The following PPM1D variants were observed in gnomAD, a reference collection of about 807,000 sequenced individuals.
The protein encoded by PPM1D is protein phosphatase 1D.
PPM1D carries 52 observed loss-of-function variants against 58.3 expected under a neutral mutation model. The ratio of observed to expected loss-of-function variants is 0.89; its 90% CI spans 0.71 to 1.12. The LOEUF is 1.12. PPM1D is among the 50% of genes most tolerant of loss of function. The pLI, the probability that PPM1D is intolerant of heterozygous loss-of-function variation, is 0.00. For synonymous variants in PPM1D, 278 were observed against 285.1 expected, an observed-to-expected ratio of 0.98 and a Z score of 0.25; for missense variants, 564 against 777.2, an observed-to-expected ratio of 0.73 and a Z score of 3.26.
chr17:60,619,225 T>C (rs1048659583), intron 1 of PPM1D, among the ~76,000 whole-genome samples: 10 of 152,188 alleles, frequency 6.6e-5, no homozygotes, highest in African/African-American at 2.4e-4. Context: ...CCTTTTTTTT[T>C]TTTTATGGCT....
At chr17:60,645,504 A>G (rs28464373) in intron 3 of PPM1D, among the ~76,000 whole-genome samples, 45 of 131,888 alleles carry the variant, frequency 3.4e-4, no homozygotes, top group African/African-American at 1.2e-3. Context: ...ATGTGTATAT[A>G]TATATGTGTA....
rs141956601 is a variant in PPM1D, at chr17:60,625,084, G to C, written c.701+1335G>C. On this transcript the variant is annotated intron_variant, in intron 2 of 5. Coordinates refer to ENST00000305921, the MANE Select transcript of PPM1D (RefSeq NM_003620.4). The stretch of plus-strand genomic sequence containing the variant: ...TTGAACCCAGGAGGCAGAGGTTGCA[G>C]TGAGCTGAGATTGCGCCACTGCACT... 3.7e-3 allele frequency among the ~76,000 whole-genome samples: 565 copies of C among 152,222 alleles called. 2 individuals carry two copies. Among genetic ancestry groups the C allele is most frequent in the African/African-American group, 0.013 (536 of 41,522 alleles).
chr17:60,622,686 G>A (rs757313773), intron 1 of PPM1D, among the ~76,000 whole-genome samples: 1 of 152,164 alleles, frequency 6.6e-6, no homozygotes, highest in Non-Finnish European at 1.5e-5. Flanking sequence ...TCATAAGTTC[G>A]TCACAAGCAT....
intron 5 of PPM1D, among the ~76,000 whole-genome samples, chr17:60,662,742 T>C (rs1705439354): frequency 2.0e-5 from 3 of 152,184 alleles, no homozygotes; most frequent in Admixed American, 2.0e-4. Flanking sequence ...TTGAATAGAT[T>C]ACTTTATAAT....
Position 60,600,848 on chromosome 17 carries a change from G to C in PPM1D, c.434G>C (p.Gly145Ala). The part of the protein sequence containing the change: ...PAKVCAAIRK[G>A]FLACHLAMWK... ...AAGGTTTGCGCTGCCATCCGCAAAG[G>C]CTTTCTCGCTTGTCACCTTGCCATG... Residue 145 changes from glycine (G) to alanine (A), a missense_variant, in exon 1 of 6, where the codon GGC becomes GCC. Physicochemically the swap from Gly to Ala is moderately conservative, Grantham distance 60. This residue lies in a region of PPM1D where 95 missense variants were observed against 232.6 expected (regional missense o/e 0.41). Transcript: ENST00000305921. 1 of 1,613,096 alleles carries C rather than the reference G, an allele frequency of 6.2e-7. No homozygotes were observed. The highest frequency in any genetic ancestry group is 1.3e-5 in the African/African-American group (1 of 75,066).
intron 5 of PPM1D, 74 bp from the exon 6 acceptor site, chr17:60,662,921 T>C: frequency 7.2e-7 from 1 of 1,388,648 alleles, no homozygotes; most frequent in Non-Finnish European, 9.9e-7. Flanking sequence ...ATAAGAAGCC[T>C]AATATCACAT....
At chr17:60,635,897 A>G (rs1044914095) in intron 3 of PPM1D, among the ~76,000 whole-genome samples, 4 of 152,240 alleles carry the variant, frequency 2.6e-5, no homozygotes, top group Non-Finnish European at 5.9e-5. Context: ...TTATGTACAC[A>G]GTTCCTCCGG....
intron 5 of PPM1D, among the ~76,000 whole-genome samples, chr17:60,657,919 T>C (rs1297736454): frequency 6.6e-6 from 1 of 152,142 alleles, no homozygotes; most frequent in Non-Finnish European, 1.5e-5. Flanking sequence ...TTTTGTATTT[T>C]TAGTAGAGAT....
At chr17:60,649,453 C>T (rs2031305039) in intron 4 of PPM1D, among the ~76,000 whole-genome samples, 1 of 151,956 alleles carries the variant, frequency 6.6e-6, no homozygotes, top group African/African-American at 2.4e-5. Context: ...CTTTGGGAGG[C>T]TGAGGCGGGT....
At chr17:60,628,177 C>T (rs1298456001) in intron 2 of PPM1D, among the ~76,000 whole-genome samples, 2 of 152,120 alleles carry the variant, frequency 1.3e-5, no homozygotes, top group East Asian at 1.9e-4. Context: ...AAAATCCCTG[C>T]ATAATTTAAA....
At chr17:60,604,653 G>A (rs1242064286) in intron 1 of PPM1D, 1 of 152,080 alleles carries the variant, frequency 6.6e-6, no homozygotes, top group Non-Finnish European at 1.5e-5. Context: ...TGCTACTCCA[G>A]AGGCTGAGAT....
chr17:60,618,330 A>C (rs1021217894), intron 1 of PPM1D, among the ~76,000 whole-genome samples: 2 of 152,246 alleles, frequency 1.3e-5, no homozygotes, highest in African/African-American at 4.8e-5. Flanking sequence ...GGAGGTAGTC[A>C]AAGAGTATAC....
chr17:60,663,541 T>G lies in PPM1D; in HGVS notation c.1807T>G (p.Cys603Gly). The G allele has an allele frequency of 6.2e-7, 1 of 1,606,278 alleles. No homozygotes were observed. The highest frequency in any genetic ancestry group is 8.5e-7 in the Non-Finnish European group (1 of 1,178,404). Residue 603 changes from cysteine to glycine, a missense_variant, in exon 6 of 6, where the codon TGT becomes GGT. By Grantham distance (159) the Cys-to-Gly change is radical (BLOSUM62 -3). Coordinates refer to ENST00000305921, the MANE Select transcript of PPM1D (RefSeq NM_003620.4). ...ACTTCATCAACACAGGAAAACTGTT[T>G]GTGTTTGCTGAAATGCATCTGGGAA... ...PLLHQHRKTV[C>G]VC
chr17:60,657,695 A>C (rs2031464397), intron 5 of PPM1D, among the ~76,000 whole-genome samples: 1 of 152,186 alleles, frequency 6.6e-6, no homozygotes, highest in South Asian at 2.1e-4. Context: ...TACATATGGC[A>C]AAAACCACAT....
intron 3 of PPM1D, among the ~76,000 whole-genome samples, chr17:60,637,121 C>T (rs1183467528): frequency 6.6e-6 from 1 of 151,874 alleles, no homozygotes; most frequent in African/African-American, 2.4e-5. Context: ...GGCGTGCGCC[C>T]CCACGCCCGG....
At chr17:60,649,418 G>C (rs2031304492) in intron 4 of PPM1D, among the ~76,000 whole-genome samples, 1 of 151,984 alleles carries the variant, frequency 6.6e-6, no homozygotes, top group Admixed American at 6.6e-5. Flanking sequence ...TCCGGGCGCA[G>C]TAGCTCACGC....
rs372803601 is a variant in PPM1D, at chr17:60,645,498, GTATATATA to G, written c.827-2390_827-2383del. On this transcript the variant is annotated intron_variant, in intron 3 of 5. Coordinates refer to ENST00000305921, the MANE Select transcript of PPM1D (RefSeq NM_003620.4). Reference sequence around the variant, plus strand: ...TGTGTGTGTGTGTGTGTGTGTATGTGTATATATATATGTGTATATATATGTATATATAT... The same window carrying G: ...TGTGTGTGTGTGTGTGTGTGTATGTGTATGTGTATATATATGTATATATAT... Among the ~76,000 whole-genome samples the G allele has an allele frequency of 3.2e-3, 418 of 130,176 alleles. 3 individuals carry two copies. The highest frequency in any genetic ancestry group is 9.7e-3 in the African/African-American group (306 of 31,632). 85.4% of individuals were successfully genotyped at this position (130,176 alleles called of 152,430 possible).
intron 4 of PPM1D, among the ~76,000 whole-genome samples, chr17:60,652,441 G>A (rs2031361553): frequency 6.6e-6 from 1 of 151,898 alleles, no homozygotes; most frequent in Admixed American, 6.6e-5. Context: ...GTTGTGAATA[G>A]TGCTGCAATA....
In PPM1D at chr17:60,663,191, T is replaced by C; in HGVS notation, c.1457T>C (p.Ile486Thr). The change falls in exon 6 of 6, where the codon ATA becomes ACA. Residue 486 changes from isoleucine to threonine, a missense_variant. Ile to Thr is a moderately conservative substitution (Grantham distance 89, BLOSUM62 -1). Around this residue, in one of 7 missense-constraint regions of PPM1D, gnomAD observed 261 missense variants for 270.1 expected, o/e 0.97. Transcript: ENST00000305921. The part of the protein sequence containing the change: ...ENCAKALTLR[I>T]HDSLNNSLPI... Reference sequence around the variant, plus strand: ...TGCGCTAAAGCCCTGACTTTAAGGATACATGATTCTTTGAATAATAGCCTT... The same window carrying C: ...TGCGCTAAAGCCCTGACTTTAAGGACACATGATTCTTTGAATAATAGCCTT... The C allele has an allele frequency of 1.9e-6, 3 of 1,614,192 alleles. No homozygotes were observed. The highest frequency in any genetic ancestry group is 2.5e-6 in the Non-Finnish European group (3 of 1,180,004).
Sources: gnomAD v4.1 joint callset for allele counts (sites outside exome capture counted in the v4.1 genomes callset) on GRCh38, gnomAD v4.1.1 for gene constraint, gnomAD v4.1.1 regional missense constraint, MANE v1.5 for transcripts, NCBI Gene and HGNC (gene_info 2026-07-23, HGNC 2026-07-21) for gene names.